Variants in RNLS observed in about 807,000 individuals in gnomAD.
RNLS encodes renalase.
RNLS carries 39 observed loss-of-function variants against 39.8 expected under a neutral mutation model. The ratio of observed to expected loss-of-function variants is 0.98; its 90% CI spans 0.76 to 1.28. RNLS has a LOEUF of 1.28. Among genes scored for constraint, RNLS ranks in the 50% most tolerant of loss-of-function variants. RNLS has a pLI of 0.00. For synonymous variants in RNLS, 147 were observed against 150.7 expected (o/e 0.98, Z 0.18); for missense variants, 410 against 413.3 (o/e 0.99, Z 0.07).
the RNLS span, among the ~76,000 whole-genome samples, chr10:88,266,355 A>T: frequency 6.6e-6 from 1 of 152,168 alleles, no homozygotes; most frequent in Non-Finnish European, 1.5e-5. Flanking sequence ...CGTTCTTTAG[A>T]GCTTTGGAAA....
chr10:88,261,899 A>G, the RNLS span, among the ~76,000 whole-genome samples: 3 of 152,218 alleles, frequency 2.0e-5, no homozygotes, highest in African/African-American at 7.2e-5. Context: ...GAAGAGAATC[A>G]ATGTAATCTT....
chr10:88,372,299 T>A (rs557102896), intron 4 of RNLS, among the ~76,000 whole-genome samples: 1 of 152,266 alleles, frequency 6.6e-6, no homozygotes, highest in Non-Finnish European at 1.5e-5. Context: ...CCCTATCTTT[T>A]TAATCATAAA....
intron 5 of RNLS, among the ~76,000 whole-genome samples, chr10:88,338,245 G>A (rs1157935735): frequency 2.0e-5 from 3 of 152,188 alleles, no homozygotes; most frequent in East Asian, 1.9e-4. Flanking sequence ...TGATGGAAAC[G>A]CTTCCCTTCA....
the RNLS span, among the ~76,000 whole-genome samples, chr10:88,264,299 T>G: frequency 1.3e-5 from 2 of 152,180 alleles, no homozygotes; most frequent in Non-Finnish European, 2.9e-5. Flanking sequence ...GGAAGTATCT[T>G]TTTCATATAA....
chr10:88,246,114 A>G, the RNLS span, among the ~76,000 whole-genome samples: 1 of 152,224 alleles, frequency 6.6e-6, no homozygotes, highest in Non-Finnish European at 1.5e-5. Flanking sequence ...AAAAGGTGAC[A>G]TCATGGATAT....
intron 4 of RNLS, among the ~76,000 whole-genome samples, chr10:88,555,799 C>T (rs1315058841): frequency 1.3e-5 from 2 of 152,130 alleles, no homozygotes; most frequent in African/African-American, 4.8e-5. Context: ...GGACAACATA[C>T]ATGTTTGGTT....
intron 5 of RNLS, among the ~76,000 whole-genome samples, chr10:88,336,563 GA>G (rs1847515864): frequency 6.6e-6 from 1 of 152,158 alleles, no homozygotes; most frequent in Admixed American, 6.5e-5. Flanking sequence ...AGTTTCAGAA[GA>G]TGTTTCTCCA....
chr10:88,286,793 G>GTTTTT (rs34199618), intron 6 of RNLS, among the ~76,000 whole-genome samples: 2 of 148,648 alleles, frequency 1.3e-5, no homozygotes, highest in Non-Finnish European at 3.0e-5. Flanking sequence ...TTCCCTTACA[G>GTTTTT]TTTTTTTTTT....
At chr10:88,257,177 T>C in the RNLS span, among the ~76,000 whole-genome samples, 1 of 152,236 alleles carries the variant, frequency 6.6e-6, no homozygotes, top group Admixed American at 6.5e-5. Flanking sequence ...AACGGAGGTT[T>C]TGACATAGTT....
intron 4 of RNLS, among the ~76,000 whole-genome samples, chr10:88,517,176 T>C (rs929488430): frequency 1.3e-5 from 2 of 151,990 alleles, no homozygotes; most frequent in Admixed American, 6.6e-5. Context: ...TAGTTAAATA[T>C]GAACATCTGG....
intron 4 of RNLS, among the ~76,000 whole-genome samples, chr10:88,491,091 T>A (rs1013712499): frequency 6.6e-6 from 1 of 152,106 alleles, no homozygotes; most frequent in Non-Finnish European, 1.5e-5. Context: ...GGATGACAAG[T>A]CTCATTATCT....
intron 6 of RNLS, among the ~76,000 whole-genome samples, chr10:88,310,204 C>T (rs1845256235): frequency 6.6e-6 from 1 of 151,684 alleles, no homozygotes; most frequent in African/African-American, 2.4e-5. Flanking sequence ...TAAAGCGAGA[C>T]CCTGTCTCAA....
At chr10:88,198,533 T>C in the RNLS span, among the ~76,000 whole-genome samples, 1 of 152,214 alleles carries the variant, frequency 6.6e-6, no homozygotes, top group Non-Finnish European at 1.5e-5. Context: ...TGCCCAAATC[T>C]CACGTTGAAT....
chr10:88,191,429 C>T, the RNLS span, among the ~76,000 whole-genome samples: 2 of 151,906 alleles, frequency 1.3e-5, no homozygotes, highest in African/African-American at 4.8e-5. Flanking sequence ...AAAAATTATA[C>T]ATATTTATGG....
At chr10:88,250,696 A>G in the RNLS span, among the ~76,000 whole-genome samples, 1 of 152,132 alleles carries the variant, frequency 6.6e-6, no homozygotes, top group Non-Finnish European at 1.5e-5. Context: ...GTGGACCAAC[A>G]CTCTGCAAGC....
chr10:88,426,855 G>A (rs1342990262), intron 4 of RNLS, among the ~76,000 whole-genome samples: 4 of 151,942 alleles, frequency 2.6e-5, no homozygotes, highest in Non-Finnish European at 5.9e-5. Context: ...ACATGGGGAG[G>A]GGAAGCCCTC....
At chr10:88,214,453 C>T in the RNLS span, among the ~76,000 whole-genome samples, 3 of 148,804 alleles carry the variant, frequency 2.0e-5, no homozygotes, top group East Asian at 2.0e-4. Flanking sequence ...TAACAGACAT[C>T]GCGCCACTGC....
intron 5 of RNLS, among the ~76,000 whole-genome samples, chr10:88,336,841 G>T (rs1847538700): frequency 1.3e-5 from 2 of 152,180 alleles, no homozygotes; most frequent in Admixed American, 1.3e-4. Flanking sequence ...CCTACTGATT[G>T]TAGTTGCATT....
At chr10:88,520,262 T>C (rs1233398067) in intron 4 of RNLS, among the ~76,000 whole-genome samples, 1 of 152,020 alleles carries the variant, frequency 6.6e-6, no homozygotes, top group Non-Finnish European at 1.5e-5. Flanking sequence ...GTCCAGTACA[T>C]GAATCAAGTG....
Sources: allele counts gnomAD v4.1 joint callset (sites outside exome capture counted in the v4.1 genomes callset), GRCh38; gene constraint gnomAD v4.1.1; transcripts MANE v1.5; gene names NCBI Gene and HGNC (gene_info 2026-07-23, HGNC 2026-07-21).